RNF125: variants seen among roughly 807,000 people sequenced by gnomAD.
RNF125 encodes ring finger protein 125.
RNF125 carries 21 observed loss-of-function variants against 26.0 expected under a neutral mutation model. The observed-to-expected ratio is 0.81, with a 90% confidence interval of 0.57 to 1.16. RNF125 has a LOEUF of 1.16. RNF125 is among the 50% of genes most tolerant of loss of function. The pLI is 0.00. For synonymous variants in RNF125, 95 were observed against 109.2 expected (o/e 0.87, Z 0.81); for missense variants, 270 against 299.4 (o/e 0.90, Z 0.72).
the RNF125 span, among the ~76,000 whole-genome samples, chr18:32,080,335 CTA>C: frequency 6.2e-4 from 95 of 152,182 alleles, no homozygotes; most frequent in Non-Finnish European, 1.1e-3. Flanking sequence ...GGCCTATCCA[CTA>C]TGTTTTGATA....
Position 32,072,489 on chromosome 18 carries a change from G to A in RNF125, c.*4105G>A, listed in dbSNP as rs922893196. The A allele has an allele frequency of 6.6e-6, 1 of 152,178 alleles. No homozygotes were observed. The highest frequency in any genetic ancestry group is 2.4e-5 in the African/African-American group (1 of 41,446). The allele number at this position is 152,178 out of a possible 1,614,324, so 9.4% of individuals were successfully genotyped here. On this transcript the variant is annotated 3_prime_UTR_variant, in exon 6 of 6. Coordinates refer to ENST00000217740, the MANE Select transcript of RNF125 (RefSeq NM_017831.4). ...GTCATCTGTCACTATTAACCTCAGTGCAGCAATTCTGACTCCTGTGCCTGG... is the reference window on the plus strand; with the variant it reads ...GTCATCTGTCACTATTAACCTCAGTACAGCAATTCTGACTCCTGTGCCTGG...
At chr18:32,066,058 A>C (rs1371882864) in intron 5 of RNF125, 49 bp downstream of exon 5, 1 of 1,218,294 alleles carries the variant, frequency 8.2e-7, no homozygotes, top group African/African-American at 1.5e-5. Flanking sequence ...CTGTCTTGTT[A>C]AGCTTACCTT....
intron 1 of RNF125, among the ~76,000 whole-genome samples, chr18:32,033,796 G>C (rs2144454494): frequency 1.3e-5 from 2 of 151,838 alleles, no homozygotes; most frequent in Middle Eastern, 6.8e-3. Context: ...TCCAGCCTGG[G>C]CAACAAGAGT....
At chr18:32,061,035 GT>G (rs201537543) in intron 4 of RNF125, among the ~76,000 whole-genome samples, 11 of 151,274 alleles carry the variant, frequency 7.3e-5, no homozygotes, top group Admixed American at 4.6e-4. Context: ...TAAAATTCTA[GT>G]TTTTTTTTCA....
At chr18:32,048,446 C>CAAA (rs1272168812) in intron 4 of RNF125, among the ~76,000 whole-genome samples, 45,615 of 148,780 alleles carry the variant, frequency 0.31, 8,066 homozygotes, top group South Asian at 0.42. Context: ...ACAAAAAAAC[C>CAAA]CAAAAAAACC....
intron 4 of RNF125, among the ~76,000 whole-genome samples, chr18:32,056,347 C>T (rs1334405246): frequency 6.6e-6 from 1 of 152,034 alleles, no homozygotes; most frequent in African/African-American, 2.4e-5. Flanking sequence ...CGTGGTGGCT[C>T]CCGACTGTAA....
chr18:32,028,693 C>G (rs948839124), intron 1 of RNF125, among the ~76,000 whole-genome samples: 1 of 150,510 alleles, frequency 6.6e-6, no homozygotes, highest in African/African-American at 2.4e-5. Flanking sequence ...GCTGGGACTA[C>G]AGGTGTGTGC....
intron 3 of RNF125, among the ~76,000 whole-genome samples, chr18:32,043,949 C>G (rs1331232246): frequency 6.6e-6 from 1 of 151,156 alleles, no homozygotes. Context: ...TCCGTATTGT[C>G]CCTAAGAACT....
chr18:32,052,605 G>A (rs765486638), intron 4 of RNF125, among the ~76,000 whole-genome samples: 1 of 151,912 alleles, frequency 6.6e-6, no homozygotes, highest in Non-Finnish European at 1.5e-5. Context: ...GTATTGGATT[G>A]AGTGACCTTT....
chr18:32,045,589 A>G (rs2039261803), intron 3 of RNF125, 53 bp from the exon 4 acceptor site: 1 of 1,193,978 alleles, frequency 8.4e-7, no homozygotes, highest in Non-Finnish European at 1.2e-6. Flanking sequence ...AAAAGTGACT[A>G]CTATCTAGTT....
intron 1 of RNF125, chr18:32,031,487 A>G (rs1703825): frequency 1.7e-3 from 53 of 30,870 alleles, no homozygotes; most frequent in Middle Eastern, 0.02. Flanking sequence ...AAATTGTGGG[A>G]AAAAAAAAAA....
rs1047425658 is a variant in RNF125 at position 32,072,960 on chromosome 18, T to A, written c.*4576T>A. On this transcript the variant is annotated 3_prime_UTR_variant, in exon 6 of 6. Transcript: ENST00000217740. ...TTACTGTTACTGGGTGCCAAGTGTC[T>A]TTCATTTGGAAGTGAACTTACTCCA... 6.6e-6 allele frequency: 1 copy of A among 152,216 alleles called. No homozygotes were observed. The highest frequency in any genetic ancestry group is 2.4e-5 in the African/African-American group (1 of 41,444). 9.4% of individuals were successfully genotyped at this position (152,216 alleles called of 1,614,324 possible).
At position 32,070,436 on chromosome 18, in the gene RNF125, G is replaced by A. The variant is rs2039523869; in HGVS notation, c.*2052G>A. 6.6e-6 allele frequency: 1 copy of A among 152,268 alleles called. No homozygotes were observed. Among genetic ancestry groups the A allele is most frequent in the Non-Finnish European group, 1.5e-5 (1 of 68,092 alleles). 9.4% of individuals were successfully genotyped at this position (152,268 alleles called of 1,614,324 possible). A position where few individuals can be genotyped will look rare whatever the true frequency, so the allele number is the denominator to read the frequency against. ...TCCGCCCACCTCAGCCTTCCAAAGTGCTGGGATTATAGGCGTGAGCCACTG... is the reference window on the plus strand; with the variant it reads ...TCCGCCCACCTCAGCCTTCCAAAGTACTGGGATTATAGGCGTGAGCCACTG... On this transcript the variant is annotated 3_prime_UTR_variant, in exon 6 of 6. Transcript: ENST00000217740.
intron 3 of RNF125, 68 bp from the exon 4 acceptor site, chr18:32,045,574 A>T: frequency 1.0e-6 from 1 of 996,082 alleles, no homozygotes; most frequent in Non-Finnish European, 1.5e-6. Flanking sequence ...AAAAAAAAAG[A>T]AAAAAAAAGT....
chr18:32,037,893 C>T (rs1313415717), intron 2 of RNF125, among the ~76,000 whole-genome samples: 4 of 152,102 alleles, frequency 2.6e-5, no homozygotes, highest in African/African-American at 7.2e-5. Flanking sequence ...AGGACAGAAA[C>T]GGAACATGGG....
intron 5 of RNF125, chr18:32,066,283 C>G (rs979966512): frequency 1.5e-5 from 3 of 201,370 alleles, no homozygotes; most frequent in African/African-American, 7.0e-5. Flanking sequence ...AATCCTATCT[C>G]TATTAAAAAT....
At chr18:32,037,910 C>T (rs12606752) in intron 2 of RNF125, among the ~76,000 whole-genome samples, 6,534 of 152,094 alleles carry the variant, frequency 0.043, 229 homozygotes, top group East Asian at 0.17. Flanking sequence ...TGGGCGGGGA[C>T]GATAAGGGAA....
At chr18:32,056,473 G>A (rs1334529358) in intron 4 of RNF125, among the ~76,000 whole-genome samples, 7 of 151,784 alleles carry the variant, frequency 4.6e-5, no homozygotes, top group Non-Finnish European at 8.8e-5. Flanking sequence ...AAAATTAGCT[G>A]GGCATGGTGG....
chr18:32,074,104 C>T (rs1240579344), downstream of RNF125, among the ~76,000 whole-genome samples: 1 of 152,126 alleles, frequency 6.6e-6, no homozygotes, highest in Non-Finnish European at 1.5e-5. Context: ...AGTCCCAAAT[C>T]CCAGTGCTCA....
Sources: allele counts gnomAD v4.1 joint callset (sites outside exome capture counted in the v4.1 genomes callset), GRCh38; gene constraint gnomAD v4.1.1; transcripts MANE v1.5; gene names NCBI Gene and HGNC (gene_info 2026-07-23, HGNC 2026-07-21).